GALNT13: variants seen among roughly 807,000 people sequenced by gnomAD.
GALNT13 encodes polypeptide N-acetylgalactosaminyltransferase 13.
GALNT13 carries 28 observed loss-of-function variants against 64.2 expected under a neutral mutation model. The ratio of observed to expected loss-of-function variants is 0.44; its 90% CI spans 0.32 to 0.60. GALNT13 has a LOEUF of 0.60. GALNT13 is among the 20% of genes least tolerant of loss of function. The probability of loss-of-function intolerance (pLI) is 0.05; values close to 1 mark genes in which losing one functional copy is unlikely to be tolerated. For missense variants in GALNT13, 577 were observed against 669.8 expected (o/e 0.86, Z 1.53); for synonymous variants, 214 against 224.6 (o/e 0.95, Z 0.42).
the GALNT13 span, among the ~76,000 whole-genome samples, chr2:153,582,372 A>G: frequency 0.069 from 10,431 of 152,054 alleles, 485 homozygotes; most frequent in East Asian, 0.13. Context: ...TATATGTGTT[A>G]TTGAATGTTG....
At chr2:153,804,562 T>C in the GALNT13 span, among the ~76,000 whole-genome samples, 1 of 152,162 alleles carries the variant, frequency 6.6e-6, no homozygotes, top group Non-Finnish European at 1.5e-5. Context: ...CCTGTTCTCT[T>C]TCCTTCATTT....
the GALNT13 span, among the ~76,000 whole-genome samples, chr2:153,077,284 G>GA: frequency 1.2e-3 from 172 of 149,132 alleles, 1 homozygote; most frequent in African/African-American, 3.6e-3. Flanking sequence ...TCTAGCTGCA[G>GA]AAAAAAAAAT....
chr2:153,203,793 T>G, the GALNT13 span, among the ~76,000 whole-genome samples: 1 of 152,312 alleles, frequency 6.6e-6, no homozygotes, highest in Admixed American at 6.5e-5. Context: ...ATTACTCTTA[T>G]CATTTCCATT....
chr2:154,042,683 C>T (rs934559528), intron 3 of GALNT13, among the ~76,000 whole-genome samples: 2 of 117,016 alleles, frequency 1.7e-5, no homozygotes, highest in Admixed American at 1.0e-4. Flanking sequence ...TACCCTAGTC[C>T]TTATCATTAT....
At chr2:153,567,848 T>C in the GALNT13 span, among the ~76,000 whole-genome samples, 2 of 152,260 alleles carry the variant, frequency 1.3e-5, no homozygotes, top group Non-Finnish European at 1.5e-5. Flanking sequence ...ATCAAACCAC[T>C]GAATTCCTTG....
intron 2 of GALNT13, among the ~76,000 whole-genome samples, chr2:153,912,446 A>G (rs1191896404): frequency 6.6e-6 from 1 of 152,036 alleles, no homozygotes; most frequent in Non-Finnish European, 1.5e-5. Flanking sequence ...CTTCTTGGAG[A>G]ACTAGGGTGG....
At chr2:153,412,746 T>C in the GALNT13 span, among the ~76,000 whole-genome samples, 5 of 152,222 alleles carry the variant, frequency 3.3e-5, no homozygotes, top group African/African-American at 1.2e-4. Flanking sequence ...AATTTCTTGG[T>C]TTCATTTCCA....
intron 3 of GALNT13, among the ~76,000 whole-genome samples, chr2:154,117,974 A>G (rs1371450818): frequency 6.6e-6 from 1 of 152,176 alleles, no homozygotes; most frequent in Non-Finnish European, 1.5e-5. Flanking sequence ...CTTTAGAAGA[A>G]TTTGTATTCT....
chr2:153,968,072 C>G (rs1344908436), intron 3 of GALNT13, among the ~76,000 whole-genome samples: 1 of 152,120 alleles, frequency 6.6e-6, no homozygotes, highest in Admixed American at 6.5e-5. Context: ...CGGGCACTCA[C>G]TTGGCCACCA....
intron 8 of GALNT13, among the ~76,000 whole-genome samples, chr2:154,274,369 A>G (rs1195226348): frequency 1.3e-5 from 2 of 152,186 alleles, no homozygotes; most frequent in Non-Finnish European, 2.9e-5. Flanking sequence ...GCAGAAAAGC[A>G]TGGCCTGGAA....
the GALNT13 span, among the ~76,000 whole-genome samples, chr2:153,545,824 G>A: frequency 6.6e-6 from 1 of 152,170 alleles, no homozygotes; most frequent in Non-Finnish European, 1.5e-5. Flanking sequence ...CACCCAACAT[G>A]GAGGTTGCAA....
At chr2:153,808,290 C>G in the GALNT13 span, among the ~76,000 whole-genome samples, 10 of 152,032 alleles carry the variant, frequency 6.6e-5, no homozygotes, top group Admixed American at 5.9e-4. Context: ...TTTTTTCCCA[C>G]GACATTTTCA....
intron 9 of GALNT13, among the ~76,000 whole-genome samples, chr2:154,366,684 C>T (rs754842893): frequency 9.2e-5 from 14 of 152,054 alleles, no homozygotes; most frequent in African/African-American, 9.7e-5. Flanking sequence ...GTCAAGGAAG[C>T]GGGAATTTGC....
At chr2:153,180,928 G>T in the GALNT13 span, among the ~76,000 whole-genome samples, 1 of 148,948 alleles carries the variant, frequency 6.7e-6, no homozygotes, top group Admixed American at 6.7e-5. Flanking sequence ...CGAGCTAAAG[G>T]TTTATTAATT....
At chr2:153,473,878 A>G in the GALNT13 span, among the ~76,000 whole-genome samples, 2 of 152,234 alleles carry the variant, frequency 1.3e-5, no homozygotes, top group Non-Finnish European at 2.9e-5. Context: ...TCTATAAACA[A>G]CAGTGCATAT....
At chr2:154,278,638 C>T (rs907558005) in intron 8 of GALNT13, among the ~76,000 whole-genome samples, 1 of 152,090 alleles carries the variant, frequency 6.6e-6, no homozygotes, top group Non-Finnish European at 1.5e-5. Flanking sequence ...TAAAATGTCA[C>T]AAAAACTTAG....
chr2:153,539,354 C>T, the GALNT13 span, among the ~76,000 whole-genome samples: 1 of 151,904 alleles, frequency 6.6e-6, no homozygotes, highest in Admixed American at 6.6e-5. Context: ...CCTGTTCACT[C>T]TGATGGTAGT....
chr2:153,325,824 T>A, the GALNT13 span, among the ~76,000 whole-genome samples: 1 of 152,244 alleles, frequency 6.6e-6, no homozygotes, highest in African/African-American at 2.4e-5. Context: ...AGTTTCTTAA[T>A]CCTGAGTTCT....
chr2:154,119,156 A>T (rs1319294239), intron 3 of GALNT13, among the ~76,000 whole-genome samples: 1 of 151,518 alleles, frequency 6.6e-6, no homozygotes, highest in East Asian at 1.9e-4. Context: ...TTGTCTACAA[A>T]AGTTCTTATT....
Sources: gnomAD v4.1 joint callset for allele counts (sites outside exome capture counted in the v4.1 genomes callset) on GRCh38, gnomAD v4.1.1 for gene constraint, MANE v1.5 for transcripts, NCBI Gene and HGNC (gene_info 2026-07-23, HGNC 2026-07-21) for gene names.